Variants in SENP6 observed in about 807,000 individuals in gnomAD.
The protein encoded by SENP6 is SUMO specific peptidase 6.
SENP6 carries 41 observed loss-of-function variants against 134.5 expected under a neutral mutation model. That is an observed-to-expected ratio of 0.30 (90% CI 0.24 to 0.40). SENP6 has a LOEUF of 0.40. Among genes scored for constraint, SENP6 ranks in the 10% least tolerant of loss-of-function variants. The pLI, the probability that SENP6 is intolerant of heterozygous loss-of-function variation, is 1.00. For synonymous variants in SENP6, 395 were observed against 429.8 expected (o/e 0.92, Z 1.00); for missense variants, 1,248 against 1,312.5 (o/e 0.95, Z 0.76).
intron 5 of SENP6, among the ~76,000 whole-genome samples, chr6:75,639,786 A>G (rs903978141): frequency 6.6e-6 from 1 of 152,154 alleles, no homozygotes; most frequent in Non-Finnish European, 1.5e-5. Context: ...ATCATATACC[A>G]TATTTAATCT....
chr6:75,644,813 C>T (rs181976296), intron 6 of SENP6, among the ~76,000 whole-genome samples: 4 of 152,092 alleles, frequency 2.6e-5, no homozygotes, highest in Non-Finnish European at 5.9e-5. Flanking sequence ...GAATTTAGTT[C>T]GTAATAGTGT....
At chr6:75,643,710 G>A (rs898986798) in intron 6 of SENP6, among the ~76,000 whole-genome samples, 1 of 152,048 alleles carries the variant, frequency 6.6e-6, no homozygotes, top group African/African-American at 2.4e-5. Flanking sequence ...TGACAGCAAG[G>A]CGCCATCTCA....
At position 75,677,165 on chromosome 6, in the gene SENP6, A is replaced by G. The variant is rs1190039690; in HGVS notation, c.1757A>G (p.Glu586Gly). ...AATTTTTTTGCGAAAATTCCCTTTG[A>G]AGAAGCTAATGGCAGACTTGTTGCC... The part of the protein sequence containing the change: ...ISNFFAKIPF[E>G]EANGRLVACT... The change falls in exon 14 of 24, where the codon GAA becomes GGA. Residue 586 changes from glutamate to glycine, a missense_variant. Around this residue, in one of 3 missense-constraint regions of SENP6, gnomAD observed 733 missense variants for 725.4 expected, o/e 1.01. Transcript: ENST00000447266. 1.2e-6 allele frequency: 2 copies of G among 1,612,638 alleles called. No individual in the cohort carries two copies. Among genetic ancestry groups the G allele is most frequent in the Non-Finnish European group, 1.7e-6 (2 of 1,179,230 alleles).
chr6:75,607,446 C>T (rs1256883143), intron 1 of SENP6, among the ~76,000 whole-genome samples: 1 of 152,092 alleles, frequency 6.6e-6, no homozygotes, highest in Non-Finnish European at 1.5e-5. Context: ...TGATATTCTA[C>T]CTTTTCTTTT....
chr6:75,692,117 A>G (rs1410913879), intron 16 of SENP6, among the ~76,000 whole-genome samples: 2 of 151,954 alleles, frequency 1.3e-5, no homozygotes, highest in Non-Finnish European at 2.9e-5. Context: ...CGGCCTCCCA[A>G]AGTGCTGGGA....
chr6:75,680,774 A>G (rs1310366977), intron 16 of SENP6, among the ~76,000 whole-genome samples: 2 of 152,162 alleles, frequency 1.3e-5, no homozygotes, highest in Non-Finnish European at 2.9e-5. Flanking sequence ...ACCCCCATCC[A>G]TCAGTAACAG....
rs570341459 is a variant in SENP6, at chr6:75,607,804, G to T, written c.52+5228G>T. ...CCAAATGAAAAGTGTTTTCCATTTC[G>T]CCTTAGCCAGTCTTTTATGTTATAT... On this transcript the variant is annotated intron_variant, in intron 1 of 23. Coordinates refer to ENST00000447266, the MANE Select transcript of SENP6 (RefSeq NM_015571.4). Among the ~76,000 whole-genome samples, 5 of 152,138 alleles carry T rather than the reference G, an allele frequency of 3.3e-5. No homozygotes were observed. The South Asian group carries it at 8.3e-4, about 25-fold the overall frequency.
intron 20 of SENP6, 25 bp downstream of exon 20, chr6:75,709,655 G>C: frequency 6.5e-7 from 1 of 1,548,814 alleles, no homozygotes; most frequent in Middle Eastern, 1.7e-4. Context: ...TTGGCAAAAA[G>C]TTCTAATGTT....
rs1776070751 is a variant in SENP6 at position 75,717,403 on chromosome 6, A to C, written c.*1809A>C. 6.6e-6 allele frequency: 1 copy of C among 152,082 alleles called. No individual in the cohort carries two copies. The highest frequency in any genetic ancestry group is 1.5e-5 in the Non-Finnish European group (1 of 67,936). 9.4% of individuals were successfully genotyped at this position (152,082 alleles called of 1,614,324 possible). A position where few individuals can be genotyped will look rare whatever the true frequency, so the allele number is the denominator to read the frequency against. On this transcript the variant is annotated 3_prime_UTR_variant, in exon 24 of 24. Coordinates refer to ENST00000447266, the MANE Select transcript of SENP6 (RefSeq NM_015571.4). ...CTTAGATAATGTTTGATAAGATAAA[A>C]ATATAATTTATCCCTTGTACCAACT...
At chr6:75,630,616 G>A (rs1324026815) in intron 3 of SENP6, among the ~76,000 whole-genome samples, 1 of 152,144 alleles carries the variant, frequency 6.6e-6, no homozygotes, top group Non-Finnish European at 1.5e-5. Context: ...GAAAATGAGT[G>A]TGGAATTAAG....
chr6:75,666,053 GATATATAAAACGTATATATGAT>G (rs1562024167), intron 9 of SENP6, among the ~76,000 whole-genome samples: 5 of 141,582 alleles, frequency 3.5e-5, no homozygotes, highest in Non-Finnish European at 4.5e-5. Context: ...ATATATATAT[GATATATAAAACGTATATATGAT>G]ATATATAAAA....
chr6:75,668,951 C>T (rs1772456282), intron 10 of SENP6, among the ~76,000 whole-genome samples: 1 of 152,174 alleles, frequency 6.6e-6, no homozygotes, highest in Admixed American at 6.6e-5. Context: ...GCAGCTCTTT[C>T]CTGTTTTATT....
chr6:75,676,906 G>T (rs1005820021), intron 13 of SENP6, 124 bp from the exon 14 acceptor site: 53 of 606,704 alleles, frequency 8.7e-5, no homozygotes, highest in Non-Finnish European at 1.4e-4. Flanking sequence ...GTCAGACATT[G>T]TTGTGGACCT....
chr6:75,692,790 CCA>C (rs1491175520), intron 16 of SENP6, among the ~76,000 whole-genome samples: 2 of 148,766 alleles, frequency 1.3e-5, no homozygotes, highest in Non-Finnish European at 3.0e-5. Context: ...CCTTCCCCCG[CCA>C]AAAAAAAAAA....
In SENP6 at chr6:75,659,417, G is replaced by T. The variant is rs1771605791; in HGVS notation, c.696+10G>T. On this transcript the variant is annotated intron_variant, in intron 8 of 23. Transcript: ENST00000447266. ...TTTAACCCATTTAGAGGTAAGTAGA[G>T]AAATTATTCTTTGTTGCTAATCAGA... 4 of 1,592,716 alleles carry T rather than the reference G, an allele frequency of 2.5e-6. No individual in the cohort carries two copies. The highest frequency in any genetic ancestry group is 2.7e-5 in the African/African-American group (2 of 74,126).
rs1301067311 is a variant in SENP6 at position 75,602,552 on chromosome 6, G to T, written c.28G>T (p.Ala10Ser). The T allele has an allele frequency of 3.2e-6, 5 of 1,551,570 alleles. No individual in the cohort carries two copies. In the East Asian group the frequency reaches 1.2e-4, roughly 38 times the overall value. Residue 10 changes from alanine to serine, a missense_variant, in exon 1 of 24, where the codon GCA becomes TCA. Ala to Ser is a moderately conservative substitution (Grantham distance 99). Coordinates refer to ENST00000447266, the MANE Select transcript of SENP6 (RefSeq NM_015571.4). MAAGKSGGS[A>S]GEITFLEALA... is the part of the protein sequence containing the mutation. ...GGCGGCCGGCAAGAGCGGCGGTAGC[G>T]CAGGGGAGATTACTTTTCTGGAAGG...
chr6:75,633,532 T>A, intron 3 of SENP6, 49 bp from the exon 4 acceptor site: 1 of 1,475,042 alleles, frequency 6.8e-7, no homozygotes, highest in Non-Finnish European at 9.1e-7. Context: ...GTTGATAGAT[T>A]GTCACATTAT....
intron 5 of SENP6, among the ~76,000 whole-genome samples, chr6:75,638,734 A>G (rs1056207290): frequency 7.2e-6 from 1 of 139,362 alleles, no homozygotes; most frequent in Non-Finnish European, 1.5e-5. Flanking sequence ...TTTTCTACCT[A>G]TTTCCTTTCC....
In SENP6 at chr6:75,659,307, CT is replaced by C. The variant is rs1342597925; in HGVS notation, c.597del (p.Glu200LysfsTer29). On this transcript the variant is annotated frameshift_variant, in exon 8 of 24. Coordinates refer to ENST00000447266, the MANE Select transcript of SENP6 (RefSeq NM_015571.4). LOFTEE classifies it high-confidence loss of function. ...GAAGAGTCCGAATCACAAGTGGAGC[CT>C]GAAATTAAGAGGAAAGTACAACAGA... ...KTEESESQVE[P>X]EIKRKVQQKR... 1 of 1,612,386 alleles carries C rather than the reference CT, an allele frequency of 6.2e-7. No homozygotes were observed. Among genetic ancestry groups the C allele is most frequent in the Non-Finnish European group, 8.5e-7 (1 of 1,178,798 alleles).
Sources: gnomAD v4.1 joint callset for allele counts (sites outside exome capture counted in the v4.1 genomes callset) on GRCh38, gnomAD v4.1.1 for gene constraint, gnomAD v4.1.1 regional missense constraint, MANE v1.5 for transcripts, NCBI Gene and HGNC (gene_info 2026-07-23, HGNC 2026-07-21) for gene names.